FHIP1A: variants seen among roughly 807,000 people sequenced by gnomAD.
FHIP1A encodes FHF complex subunit HOOK-interacting protein 1A.
Under a neutral mutation model 88.6 loss-of-function variants are expected in FHIP1A, and 61 were observed. The ratio of observed to expected loss-of-function variants is 0.69; its 90% confidence interval spans 0.56 to 0.85. The LOEUF is 0.85. FHIP1A is among the 40% of genes least tolerant of loss of function. The probability of loss-of-function intolerance (pLI) is 0.00; values close to 1 mark genes in which losing one functional copy is unlikely to be tolerated. For synonymous variants in FHIP1A, 478 were observed against 496.0 expected, an observed-to-expected ratio of 0.96 and a Z score of 0.48; for missense variants, 1,154 against 1,273.5, an observed-to-expected ratio of 0.91 and a Z score of 1.43.
At chr4:151,589,044 C>A in intron 7 of FHIP1A, 118 bp downstream of exon 7, 1 of 733,792 alleles carries the variant, frequency 1.4e-6, no homozygotes, top group Non-Finnish European at 2.3e-6. Flanking sequence ...CTTTTCATTC[C>A]GTCTATATTT....
intron 3 of FHIP1A, among the ~76,000 whole-genome samples, chr4:151,512,647 T>A (rs1303174116): frequency 6.6e-6 from 1 of 151,888 alleles, no homozygotes; most frequent in African/African-American, 2.4e-5. Flanking sequence ...GAGAACTACG[T>A]GAAGAATGCA....
intron 3 of FHIP1A, among the ~76,000 whole-genome samples, chr4:151,496,898 CTAGA>C (rs1730483521): frequency 6.6e-6 from 1 of 151,494 alleles, no homozygotes; most frequent in Non-Finnish European, 1.5e-5. Flanking sequence ...TTCCAGAATG[CTAGA>C]TAAAGAGAGC....
chr4:151,650,094 C>G lies in FHIP1A; in HGVS notation c.2053C>G (p.Leu685Val), dbSNP rs1736962716. 3 of 1,551,680 alleles carry G rather than the reference C, an allele frequency of 1.9e-6. No homozygotes were observed. The highest frequency in any genetic ancestry group is 2.6e-6 in the Non-Finnish European group (3 of 1,146,992). ...QSVPINNGPLLSTQPETDSEE... is the reference protein window; with the variant it reads ...QSVPINNGPLVSTQPETDSEE... Reference sequence around the variant, plus strand: ...TGTCCCCATCAACAACGGCCCCCTCCTCAGCACCCAGCCAGAGACAGATTC... The same window carrying G: ...TGTCCCCATCAACAACGGCCCCCTCGTCAGCACCCAGCCAGAGACAGATTC... The change falls in exon 11 of 14, where the codon CTC becomes GTC. Residue 685 changes from leucine to valine, a missense_variant. Physicochemically the swap from Leu to Val is conservative, Grantham distance 32. Coordinates refer to ENST00000435205, the MANE Select transcript of FHIP1A (RefSeq NM_001109977.3).
intron 8 of FHIP1A, among the ~76,000 whole-genome samples, chr4:151,634,567 G>A (rs990696689): frequency 6.6e-5 from 10 of 151,702 alleles, no homozygotes; most frequent in Admixed American, 3.9e-4. Context: ...CAATGAAACA[G>A]AATAAGAAAC....
intron 7 of FHIP1A, among the ~76,000 whole-genome samples, chr4:151,591,235 C>A (rs1441771892): frequency 6.6e-6 from 1 of 151,912 alleles, no homozygotes; most frequent in African/African-American, 2.4e-5. Context: ...GACAGGAAAT[C>A]AGAAGCACAT....
intron 1 of FHIP1A, among the ~76,000 whole-genome samples, chr4:151,451,044 T>C (rs915890915): frequency 6.6e-6 from 1 of 152,080 alleles, no homozygotes; most frequent in Non-Finnish European, 1.5e-5. Flanking sequence ...TCCCAGAGTG[T>C]TGGGATTACA....
intron 5 of FHIP1A, among the ~76,000 whole-genome samples, chr4:151,581,526 T>C (rs191612375): frequency 2.0e-5 from 3 of 152,316 alleles, no homozygotes; most frequent in Admixed American, 6.5e-5. Context: ...AAAACATATT[T>C]TAAAACACTG....
At chr4:151,614,668 C>A (rs1735449843) in intron 7 of FHIP1A, among the ~76,000 whole-genome samples, 1 of 151,990 alleles carries the variant, frequency 6.6e-6, no homozygotes, top group African/African-American at 2.4e-5. Flanking sequence ...TAAATGACTC[C>A]ATTTTTACAT....
chr4:151,599,706 G>T (rs1280517254), intron 7 of FHIP1A, among the ~76,000 whole-genome samples: 1 of 152,178 alleles, frequency 6.6e-6, no homozygotes, highest in East Asian at 1.9e-4. Context: ...AGATTCCAGA[G>T]TTTAGCAGCA....
chr4:151,632,470 T>G (rs1017946136), intron 8 of FHIP1A, among the ~76,000 whole-genome samples: 3 of 151,900 alleles, frequency 2.0e-5, no homozygotes, highest in Non-Finnish European at 4.4e-5. Flanking sequence ...TGAACAACAC[T>G]GTAAACCAAT....
At chr4:151,459,189 A>T (rs535231828) in intron 2 of FHIP1A, among the ~76,000 whole-genome samples, 95 of 152,172 alleles carry the variant, frequency 6.2e-4, no homozygotes, top group African/African-American at 2.2e-3. Context: ...AAGTATATAT[A>T]TACACACACG....
At chr4:151,505,104 T>G (rs1730786995) in intron 3 of FHIP1A, among the ~76,000 whole-genome samples, 1 of 152,148 alleles carries the variant, frequency 6.6e-6, no homozygotes, top group Non-Finnish European at 1.5e-5. Context: ...AGGCTATCAA[T>G]TGTCCTGTAC....
At chr4:151,495,922 C>T (rs1375845383) in intron 3 of FHIP1A, among the ~76,000 whole-genome samples, 6 of 152,148 alleles carry the variant, frequency 3.9e-5, no homozygotes, top group Admixed American at 2.6e-4. Flanking sequence ...TGTGCCTGGC[C>T]TATATATTCT....
chr4:151,412,584 T>TTTCC (rs1193555902), intron 1 of FHIP1A, among the ~76,000 whole-genome samples: 3,091 of 115,132 alleles, frequency 0.027, 95 homozygotes, highest in South Asian at 0.15. Flanking sequence ...CTTTCCTTTC[T>TTTCC]TTCCTTCCTT....
At position 151,578,836 on chromosome 4, in the gene FHIP1A, G is replaced by A. The variant is rs112308994; in HGVS notation, c.732+760G>A. Among the ~76,000 whole-genome samples the A allele has an allele frequency of 2.9e-3, 434 of 152,250 alleles. 2 individuals are homozygous for A. The highest frequency in any genetic ancestry group is 0.01 in the African/African-American group (421 of 41,554). On this transcript the variant is annotated intron_variant, in intron 5 of 13. Transcript: ENST00000435205. Reference sequence around the variant, plus strand: ...CTTTATTTATAATTGCCAAAAACTTGGAAGCAACCAAGATGTCCTTTAGCA... The same window carrying A: ...CTTTATTTATAATTGCCAAAAACTTAGAAGCAACCAAGATGTCCTTTAGCA...
chr4:151,614,119 T>C (rs4696277), intron 7 of FHIP1A, among the ~76,000 whole-genome samples: 92,301 of 150,380 alleles, frequency 0.61, 30,774 homozygotes, highest in African/African-American at 0.9. Context: ...GCTGAGATTG[T>C]GCCATTGCAC....
At chr4:151,525,398 C>T (rs76752239) in intron 3 of FHIP1A, among the ~76,000 whole-genome samples, 2,198 of 152,308 alleles carry the variant, frequency 0.014, 48 homozygotes, top group African/African-American at 0.051. Context: ...GAGGAAAAAT[C>T]GGATTGACTC....
intron 3 of FHIP1A, among the ~76,000 whole-genome samples, chr4:151,487,601 C>T (rs566352042): frequency 2.1e-4 from 32 of 152,280 alleles, no homozygotes; most frequent in African/African-American, 7.5e-4. Context: ...TTTCATATTC[C>T]CTGTATTGGT....
At chr4:151,648,284 T>C (rs547802595) in intron 10 of FHIP1A, among the ~76,000 whole-genome samples, 1 of 152,296 alleles carries the variant, frequency 6.6e-6, no homozygotes, top group South Asian at 2.1e-4. Context: ...GGAAAGCAAG[T>C]GAAGACATGT....
Sources: allele counts gnomAD v4.1 joint callset (sites outside exome capture counted in the v4.1 genomes callset), GRCh38; gene constraint gnomAD v4.1.1; transcripts MANE v1.5; gene names NCBI Gene and HGNC (gene_info 2026-07-23, HGNC 2026-07-21).